ATP11C: variants seen among roughly 807,000 people sequenced by gnomAD.
ATP11C encodes phospholipid-transporting ATPase IG.
Under a neutral mutation model 97.4 loss-of-function variants are expected in ATP11C, and 36 were observed. That is an observed-to-expected ratio of 0.37 (90% CI 0.28 to 0.49). ATP11C has a LOEUF of 0.49. ATP11C is among the 20% of genes least tolerant of loss of function. ATP11C has a pLI of 0.98. For synonymous variants in ATP11C, 275 were observed against 290.9 expected (o/e 0.95, Z 0.56); for missense variants, 730 against 824.6 (o/e 0.89, Z 1.40).
intron 29 of ATP11C, among the ~76,000 whole-genome samples, chrX:139,731,214 C>A: frequency 8.9e-6 from 1 of 111,925 alleles, no homozygotes; most frequent in East Asian, 2.8e-4. Flanking sequence ...GTTATTTTCA[C>A]ATAATTCCCA....
chrX:139,907,107 TCTTTC>T (rs1238498325), intron 1 of ATP11C, among the ~76,000 whole-genome samples: 17 of 111,637 alleles, frequency 1.5e-4, no homozygotes, highest in African/African-American at 5.5e-4. Context: ...CTCTGCTTTA[TCTTTC>T]CTTTATCACT....
chrX:139,900,225 G>A (rs1327975076), intron 1 of ATP11C, among the ~76,000 whole-genome samples: 5 of 110,003 alleles, frequency 4.5e-5, no homozygotes, highest in East Asian at 2.9e-4. Flanking sequence ...AAAAATTAGC[G>A]GGGTGTGGTG....
chrX:139,737,048 C>T (rs112405628), intron 28 of ATP11C, among the ~76,000 whole-genome samples: 28 of 109,886 alleles, frequency 2.5e-4, no homozygotes, highest in African/African-American at 8.9e-4. Flanking sequence ...GTAGTCATAG[C>T]TTAGAATATT....
chrX:139,773,919 T>C (rs758393644), intron 19 of ATP11C, among the ~76,000 whole-genome samples: 65 of 112,513 alleles, frequency 5.8e-4, no homozygotes, highest in African/African-American at 2.0e-3. Context: ...ATAATTATCA[T>C]ACAAAGCCCT....
chrX:139,926,900 T>C (rs184298412), intron 1 of ATP11C, among the ~76,000 whole-genome samples: 1 of 112,275 alleles, frequency 8.9e-6, no homozygotes, highest in African/African-American at 3.2e-5. Context: ...TTGCGTGGGG[T>C]CAGCCTAGCA....
Position 139,797,272 on chromosome X carries a change from T to C in ATP11C, c.912A>G (p.Ala304=), listed in dbSNP as rs758533644. The C allele has an allele frequency of 2.5e-6, 3 of 1,185,860 alleles. No homozygotes were observed. Among genetic ancestry groups the C allele is most frequent in the East Asian group, 3.0e-5 (1 of 33,322 alleles). The change falls in exon 11 of 30, where the codon GCA becomes GCG. Residue 304 remains alanine, a synonymous_variant. Transcript: ENST00000682941. ...AAACATACTTTAGAGTAGTGCATAC[T>C]GCAGCTTTGGTCAGTAAGATAAATA... ...VYLFILLTKA[A]VCTTLKYVWQ...
chrX:139,743,752 G>C (rs1394757196), intron 25 of ATP11C, 128 bp from the exon 26 acceptor site: 1 of 396,703 alleles, frequency 2.5e-6, no homozygotes, highest in African/African-American at 2.6e-5. Context: ...GAATTGTTTA[G>C]GGAAACAGCT....
At position 139,743,633 on chromosome X, in the gene ATP11C, C is replaced by T; in HGVS notation, c.2965-9G>A. ...GTCCAGTTTCCGTATACCTGAAAAA[C>T]ATTTAATAATTACATGTACCATGTA... is the stretch of plus-strand genomic sequence containing the variant. On this transcript the variant is annotated splice_polypyrimidine_tract_variant and intron_variant, in intron 25 of 29. Coordinates refer to ENST00000682941, the MANE Select transcript of ATP11C (RefSeq NM_001353812.2). 9.2e-7 allele frequency: 1 copy of T among 1,084,514 alleles called. No individual in the cohort carries two copies. Among genetic ancestry groups the T allele is most frequent in the Non-Finnish European group, 1.3e-6 (1 of 794,558 alleles). 89.4% of individuals were successfully genotyped at this position (1,084,514 alleles called of 1,213,427 possible).
chrX:139,869,795 A>AAATAATAAT lies in ATP11C; in HGVS notation c.28-42981_28-42973dup, dbSNP rs35904908. ...GGCGACAGAGAAACACTCTGTCTCA[A>AAATAATAAT]AATAATAATAATAATAATAATAATA... On this transcript the variant is annotated intron_variant, in intron 1 of 29. Coordinates refer to ENST00000682941, the MANE Select transcript of ATP11C (RefSeq NM_001353812.2). Among the ~76,000 whole-genome samples the AAATAATAAT allele has an allele frequency of 3.6e-3, 328 of 92,326 alleles. 3 individuals carry two copies. The highest frequency in any genetic ancestry group is 0.012 in the African/African-American group (286 of 23,055). 80.2% of individuals were successfully genotyped at this position (92,326 alleles called of 115,157 possible). A position where few individuals can be genotyped will look rare whatever the true frequency, so the allele number is the denominator to read the frequency against.
chrX:139,761,980 A>C lies in ATP11C; in HGVS notation c.2621T>G (p.Val874Gly). The C allele has an allele frequency of 8.4e-7, 1 of 1,197,359 alleles. No homozygotes were observed. Among genetic ancestry groups the C allele is most frequent in the Non-Finnish European group, 1.1e-6 (1 of 884,850 alleles). ...ACATACCTTATAGAAGAAGTACTGT[A>C]CAAGGTGTGCTATTCTCACATAATA... ...HLYYVRIAHL[V>G]QYFFYKNLCF... is the part of the protein sequence containing the mutation. Residue 874 changes from valine to glycine, a missense_variant, in exon 22 of 30, where the codon GTA becomes GGA. Coordinates refer to ENST00000682941, the MANE Select transcript of ATP11C (RefSeq NM_001353812.2).
chrX:139,782,856 A>C (rs1034716601), intron 17 of ATP11C, 128 bp from the exon 18 acceptor site: 14 of 471,561 alleles, frequency 3.0e-5, no homozygotes, highest in Non-Finnish European at 4.7e-5. Flanking sequence ...TAGTCTGAAA[A>C]AATGAAGAAA....
intron 1 of ATP11C, chrX:139,832,058 A>G: frequency 1.1e-6 from 1 of 923,566 alleles, no homozygotes; most frequent in Non-Finnish European, 1.5e-6. Context: ...AATGGATAAA[A>G]ATATACATGC....
intron 16 of ATP11C, among the ~76,000 whole-genome samples, chrX:139,784,730 T>A (rs958460127): frequency 1.8e-5 from 2 of 111,123 alleles, no homozygotes; most frequent in African/African-American, 6.6e-5. Context: ...TGCAATGCCA[T>A]TTCCCAGAAA....
Position 139,932,187 on chromosome X carries a change from C to A in ATP11C, c.-145G>T. 5.2e-6 allele frequency: 2 copies of A among 381,637 alleles called. No individual in the cohort carries two copies. The highest frequency in any genetic ancestry group is 8.1e-5 in the Admixed American group (1 of 12,392). The allele number at this position is 381,637 out of a possible 1,213,427, so 31.5% of individuals were successfully genotyped here. A position where few individuals can be genotyped will look rare whatever the true frequency, so the allele number is the denominator to read the frequency against. ...CGGGCCACCCGCTCGCCGCCTGCCC[C>A]CCTCGGCTCTCCGCGCTCCCCCGCC... On this transcript the variant is annotated 5_prime_UTR_variant, in exon 1 of 30. Coordinates refer to ENST00000682941, the MANE Select transcript of ATP11C (RefSeq NM_001353812.2).
chrX:139,731,827 A>C, intron 28 of ATP11C, 72 bp from the exon 29 acceptor site: 1 of 656,954 alleles, frequency 1.5e-6, no homozygotes, highest in Non-Finnish European at 2.2e-6. Flanking sequence ...ATATATTTAA[A>C]AAAAGGTAAA....
chrX:139,745,682 G>A (rs775329483), intron 25 of ATP11C, 40 bp downstream of exon 25: 1 of 1,177,312 alleles, frequency 8.5e-7, no homozygotes, highest in Admixed American at 2.4e-5. Context: ...GACAAGCCAT[G>A]CTTATAATAC....
rs189328119 is a variant in ATP11C, at chrX:139,856,127, C to T, written c.28-29304G>A. Among the ~76,000 whole-genome samples the T allele has an allele frequency of 9.6e-3, 1,078 of 112,773 alleles. 11 individuals carry two copies. The highest frequency in any genetic ancestry group is 0.033 in the African/African-American group (1,023 of 31,057). ...AAAGCAATTGTTATTCTTGTGCGCACGGCAGGCCAGAGGCCCAGATTGTCC... is the reference window on the plus strand; with the variant it reads ...AAAGCAATTGTTATTCTTGTGCGCATGGCAGGCCAGAGGCCCAGATTGTCC... On this transcript the variant is annotated intron_variant, in intron 1 of 29. Transcript: ENST00000682941.
intron 25 of ATP11C, among the ~76,000 whole-genome samples, chrX:139,745,254 A>G (rs1182095797): frequency 3.6e-5 from 4 of 111,252 alleles, no homozygotes; most frequent in African/African-American, 1.3e-4. Flanking sequence ...TCTGCAGAAT[A>G]CTGTGCTTCC....
intron 5 of ATP11C, among the ~76,000 whole-genome samples, chrX:139,812,989 C>A (rs1451002923): frequency 8.9e-6 from 1 of 111,824 alleles, no homozygotes; most frequent in Non-Finnish European, 1.9e-5. Context: ...ACACTGGTGA[C>A]CCTCCCACTC....
Sources: gnomAD v4.1 joint callset for allele counts (sites outside exome capture counted in the v4.1 genomes callset) on GRCh38, gnomAD v4.1.1 for gene constraint, MANE v1.5 for transcripts, NCBI Gene and HGNC (gene_info 2026-07-23, HGNC 2026-07-21) for gene names.